The following PHF20L1 variants were observed in gnomAD, a reference collection of about 807,000 sequenced individuals.
PHF20L1 encodes PHD finger protein 20-like protein 1.
A neutral mutation model predicts 125.5 loss-of-function variants in PHF20L1; 44 were observed. That is an observed-to-expected ratio of 0.35 (90% CI 0.28 to 0.45). The LOEUF (loss-of-function observed/expected upper bound fraction) is 0.45, where lower values mean the gene tolerates loss of function less well. Ranked by LOEUF, PHF20L1 falls within the 20% of genes least tolerant of loss-of-function variation. The pLI, the probability that PHF20L1 is intolerant of heterozygous loss-of-function variation, is 1.00. For synonymous variants in PHF20L1, 380 were observed against 403.1 expected, an observed-to-expected ratio of 0.94 and a Z score of 0.69; for missense variants, 1,012 against 1,217.2, an observed-to-expected ratio of 0.83 and a Z score of 2.51.
At position 132,775,406 on chromosome 8, in the gene PHF20L1, AGGCGGCGGCGGCGGCGGCGAT is replaced by A; in HGVS notation, c.-273_-253del. ...TCGCGTCAGGGCTGGCCGGCGGCGG[AGGCGGCGGCGGCGGCGGCGAT>A]GGCAGCGGACCCTGAGCGAGCTTGA... On this transcript the variant is annotated 5_prime_UTR_variant, in exon 1 of 21. An upstream start codon of the reference 5' UTR is lost. Coordinates refer to ENST00000395386, the MANE Select transcript of PHF20L1 (RefSeq NM_016018.5). 2.6e-6 allele frequency: 1 copy of A among 382,652 alleles called. No homozygotes were observed. Among genetic ancestry groups the A allele is most frequent in the Non-Finnish European group, 4.6e-6 (1 of 218,450 alleles). The allele number at this position is 382,652 out of a possible 1,614,324, so 23.7% of individuals were successfully genotyped here. A position where few individuals can be genotyped will look rare whatever the true frequency, so the allele number is the denominator to read the frequency against.
chr8:132,843,306 C>T (rs1838114842), intron 19 of PHF20L1: 4 of 984,452 alleles, frequency 4.1e-6, no homozygotes, highest in Non-Finnish European at 4.8e-6. Flanking sequence ...CAATGCATCC[C>T]ACTATTCAGT....
In PHF20L1 at chr8:132,775,441, G is replaced by A; in HGVS notation, c.-242G>A. ...GGCGGCGGCGATGGCAGCGGACCCT[G>A]AGCGAGCTTGAGGGCTCGGACCCAG... On this transcript the variant is annotated 5_prime_UTR_variant, in exon 1 of 21. Coordinates refer to ENST00000395386, the MANE Select transcript of PHF20L1 (RefSeq NM_016018.5). 2.6e-6 allele frequency: 1 copy of A among 385,638 alleles called. No homozygotes were observed. The highest frequency in any genetic ancestry group is 3.8e-5 in the East Asian group (1 of 26,398). 23.9% of individuals were successfully genotyped at this position (385,638 alleles called of 1,614,324 possible).
intron 15 of PHF20L1, among the ~76,000 whole-genome samples, chr8:132,834,557 C>T (rs1032881079): frequency 1.3e-5 from 2 of 152,028 alleles, no homozygotes; most frequent in African/African-American, 4.8e-5. Flanking sequence ...TGGTTTCAAA[C>T]TCCTAACTTA....
chr8:132,836,722 G>A lies in PHF20L1; in HGVS notation c.2091+1G>A. The A allele has an allele frequency of 6.2e-7, 1 of 1,607,322 alleles. No individual in the cohort carries two copies. Among genetic ancestry groups the A allele is most frequent in the Non-Finnish European group, 8.5e-7 (1 of 1,174,682 alleles). Reference sequence around the variant, plus strand: ...TGAGGAGAATGGCTTCATGATCCAGGTAATTGGTTAACCTCTCTTCCCTAT... The same window carrying A: ...TGAGGAGAATGGCTTCATGATCCAGATAATTGGTTAACCTCTCTTCCCTAT... On this transcript the variant is annotated splice_donor_variant, in intron 16 of 20. Coordinates refer to ENST00000395386, the MANE Select transcript of PHF20L1 (RefSeq NM_016018.5). LOFTEE classifies it high-confidence loss of function.
In PHF20L1 at chr8:132,842,819, A is replaced by G. The variant is rs778989837; in HGVS notation, c.2692A>G (p.Met898Val). Residue 898 changes from methionine (M) to valine (V), a missense_variant, in exon 19 of 21, where the codon ATG (methionine) becomes GTG (valine). Met to Val is a conservative substitution (Grantham distance 21). This residue lies in a region of PHF20L1 where 277 missense variants were observed against 283.6 expected (regional missense o/e 0.98). Coordinates refer to ENST00000395386, the MANE Select transcript of PHF20L1 (RefSeq NM_016018.5). ...SSLEEEQEFH[M>V]RSKNSLQYSA... ...TTTGGAAGAAGAACAAGAATTCCAC[A>G]TGAGAAGTAAAAACAGTTTACAGTA... is the stretch of plus-strand genomic sequence containing the variant. 4.3e-6 allele frequency: 7 copies of G among 1,612,770 alleles called. No homozygotes were observed. The East Asian group carries it at 8.9e-5, about 21-fold the overall frequency.
chr8:132,794,342 T>TATGTATA (rs1832140373), intron 2 of PHF20L1, 68 bp from the exon 3 acceptor site: 2 of 912,888 alleles, frequency 2.2e-6, no homozygotes, highest in Admixed American at 2.2e-5. Flanking sequence ...CAGCTAAATC[T>TATGTATA]ATGTATAATG....
rs1281890442 is a variant in PHF20L1 at position 132,837,706 on chromosome 8, C to G, written c.2092-6C>G. On this transcript the variant is annotated splice_region_variant and splice_polypyrimidine_tract_variant and intron_variant, in intron 16 of 20. Transcript: ENST00000395386. ...GGTGACTGTAATACTCCTCTGTTTT[C>G]TGCAGTGTGAAGAGTGCTTGTGTTG... 1 of 1,608,194 alleles carries G rather than the reference C, an allele frequency of 6.2e-7. No homozygotes were observed. The highest frequency in any genetic ancestry group is 2.2e-5 in the East Asian group (1 of 44,800).
chr8:132,778,320 C>G (rs1180202170), intron 2 of PHF20L1, among the ~76,000 whole-genome samples: 1 of 152,200 alleles, frequency 6.6e-6, no homozygotes, highest in Non-Finnish European at 1.5e-5. Context: ...GTCTTTCAAA[C>G]TACAGAGTAT....
Position 132,839,538 on chromosome 8 carries a change from T to C in PHF20L1, c.2343T>C (p.Val781=), listed in dbSNP as rs1837711884. ...THHLLADVYG[V]TEVLHGLQLK... Reference sequence around the variant, plus strand: ...ACCTGCTTGCTGATGTCTATGGTGTTACAGAAGTGCTACACGGGCTACAGC... The same window carrying C: ...ACCTGCTTGCTGATGTCTATGGTGTCACAGAAGTGCTACACGGGCTACAGC... Residue 781 remains valine, a synonymous_variant, in exon 18 of 21, where the codon GTT becomes GTC. Transcript: ENST00000395386. 1 of 1,613,502 alleles carries C rather than the reference T, an allele frequency of 6.2e-7. No homozygotes were observed. Among genetic ancestry groups the C allele is most frequent in the East Asian group, 2.2e-5 (1 of 44,856 alleles).
At chr8:132,787,653 T>C (rs1198682175) in intron 2 of PHF20L1, among the ~76,000 whole-genome samples, 1 of 152,146 alleles carries the variant, frequency 6.6e-6, no homozygotes, top group Non-Finnish European at 1.5e-5. Context: ...TTTTAAAGTA[T>C]GAAGCAAATG....
At chr8:132,805,567 GA>G (rs1380326947) in intron 8 of PHF20L1, among the ~76,000 whole-genome samples, 1 of 151,980 alleles carries the variant, frequency 6.6e-6, no homozygotes, top group Non-Finnish European at 1.5e-5. Context: ...TAAAAGGACA[GA>G]ATCTTTTTTT....
At chr8:132,826,281 T>C (rs934018499) in intron 14 of PHF20L1, 2 of 152,086 alleles carry the variant, frequency 1.3e-5, no homozygotes, top group Non-Finnish European at 2.9e-5. Flanking sequence ...TTGGCACAAC[T>C]AACCAGATAG....
intron 6 of PHF20L1, among the ~76,000 whole-genome samples, chr8:132,801,000 C>T (rs1832980383): frequency 6.6e-6 from 1 of 151,506 alleles, no homozygotes; most frequent in South Asian, 2.1e-4. Context: ...AGTGTTGATA[C>T]ATAAATAGCT....
chr8:132,823,907 C>T (rs1320847165), intron 12 of PHF20L1, 97 bp from the exon 13 acceptor site: 1 of 673,448 alleles, frequency 1.5e-6, no homozygotes, highest in Admixed American at 2.9e-5. Context: ...GAAAAAGAGT[C>T]TTACATAGAG....
At chr8:132,808,958 A>G (rs764120150) in intron 8 of PHF20L1, 1 of 151,804 alleles carries the variant, frequency 6.6e-6, no homozygotes, top group Non-Finnish European at 1.5e-5. Context: ...CAACTCACCC[A>G]GCTCGGCCTC....
At chr8:132,786,087 A>G (rs1168305284) in intron 2 of PHF20L1, among the ~76,000 whole-genome samples, 1 of 152,138 alleles carries the variant, frequency 6.6e-6, no homozygotes, top group Non-Finnish European at 1.5e-5. Context: ...AACTAAACAT[A>G]AGATGATATT....
intron 6 of PHF20L1, among the ~76,000 whole-genome samples, chr8:132,802,419 A>G (rs1380343177): frequency 1.3e-5 from 2 of 151,590 alleles, no homozygotes; most frequent in Non-Finnish European, 3.0e-5. Context: ...GAAGCTTTGC[A>G]TTAGTCTTTC....
chr8:132,787,049 GCTTGAAAAAA>G (rs1309967745), intron 2 of PHF20L1, among the ~76,000 whole-genome samples: 1 of 124,418 alleles, frequency 8.0e-6, no homozygotes, highest in Admixed American at 8.3e-5. Flanking sequence ...AGTAGTTGTA[GCTTGAAAAAA>G]CTGTATGAAG....
At chr8:132,791,502 C>T (rs962791314) in intron 2 of PHF20L1, among the ~76,000 whole-genome samples, 1 of 152,104 alleles carries the variant, frequency 6.6e-6, no homozygotes, top group Non-Finnish European at 1.5e-5. Flanking sequence ...ATCCACCCAC[C>T]TCGGCCTCCC....
Sources: allele counts gnomAD v4.1 joint callset (sites outside exome capture counted in the v4.1 genomes callset), GRCh38; gene constraint gnomAD v4.1.1; regional missense constraint gnomAD v4.1.1; transcripts MANE v1.5; gene names NCBI Gene and HGNC (gene_info 2026-07-23, HGNC 2026-07-21).